The following RIT2 variants were observed in gnomAD, a reference collection of about 807,000 sequenced individuals.
The protein encoded by RIT2 is GTP-binding protein Rit2.
A neutral mutation model predicts 23.7 loss-of-function variants in RIT2; 24 were observed. The ratio of observed to expected loss-of-function variants is 1.01; its 90% CI spans 0.73 to 1.43. RIT2 has a LOEUF of 1.43. Ranked by LOEUF, RIT2 falls within the 40% of genes most tolerant of loss-of-function variation. RIT2 has a pLI of 0.00. For missense variants in RIT2, 236 were observed against 266.9 expected (o/e 0.88, Z 0.81); for synonymous variants, 107 against 91.1 (o/e 1.17, Z -0.99).
At chr18:43,093,835 A>G (rs1913482610) in intron 1 of RIT2, among the ~76,000 whole-genome samples, 1 of 152,032 alleles carries the variant, frequency 6.6e-6, no homozygotes. Flanking sequence ...AAAATTCACC[A>G]TCACCACACT....
chr18:42,815,178 G>A (rs1024752162), intron 4 of RIT2, among the ~76,000 whole-genome samples: 3 of 152,052 alleles, frequency 2.0e-5, no homozygotes, highest in Admixed American at 6.6e-5. Flanking sequence ...AGAAATCCCC[G>A]ATTTACCTGA....
At chr18:42,826,370 A>G (rs1299139031) in intron 4 of RIT2, among the ~76,000 whole-genome samples, 1 of 152,106 alleles carries the variant, frequency 6.6e-6, no homozygotes. Context: ...ATAATGTTTA[A>G]TATTGTAATT....
At chr18:43,088,713 T>G (rs535399963) in intron 1 of RIT2, among the ~76,000 whole-genome samples, 2 of 152,144 alleles carry the variant, frequency 1.3e-5, no homozygotes, top group African/African-American at 2.4e-5. Context: ...ATCATTTTCA[T>G]GGCCTCCATT....
intron 3 of RIT2, among the ~76,000 whole-genome samples, chr18:42,929,682 A>G (rs1018629102): frequency 2.4e-4 from 37 of 152,192 alleles, no homozygotes; most frequent in African/African-American, 8.9e-4. Flanking sequence ...AATAATTAAG[A>G]ATTTCAAGAC....
intron 4 of RIT2, among the ~76,000 whole-genome samples, chr18:42,759,448 T>A (rs751223224): frequency 2.0e-5 from 3 of 152,176 alleles, no homozygotes; most frequent in Non-Finnish European, 4.4e-5. Context: ...GGAATTGGCA[T>A]TAAAACCCAG....
chr18:42,866,640 G>T (rs1176513531), intron 4 of RIT2, among the ~76,000 whole-genome samples: 1 of 136,134 alleles, frequency 7.3e-6, no homozygotes, highest in African/African-American at 2.7e-5. Context: ...GTGCTGTCAG[G>T]AAAAAAAAAA....
intron 2 of RIT2, among the ~76,000 whole-genome samples, chr18:43,016,496 C>A (rs1349335010): frequency 1.3e-5 from 2 of 151,756 alleles, no homozygotes; most frequent in Non-Finnish European, 2.9e-5. Flanking sequence ...AATTCAGTCC[C>A]TTTTCATCAT....
intron 1 of RIT2, among the ~76,000 whole-genome samples, chr18:43,089,414 A>C (rs184856318): frequency 1.3e-4 from 20 of 152,254 alleles, no homozygotes; most frequent in Middle Eastern, 3.4e-3. Flanking sequence ...ACACTGCTCA[A>C]AGAAATCAGA....
chr18:42,987,816 G>A (rs2144223079), intron 2 of RIT2, among the ~76,000 whole-genome samples: 1 of 152,272 alleles, frequency 6.6e-6, no homozygotes, highest in East Asian at 1.9e-4. Context: ...ATGGCAAAAG[G>A]TGAAGTGGAG....
intron 4 of RIT2, among the ~76,000 whole-genome samples, chr18:42,815,420 A>G (rs1267051503): frequency 6.6e-6 from 1 of 152,212 alleles, no homozygotes; most frequent in Non-Finnish European, 1.5e-5. Flanking sequence ...AACAAAGACA[A>G]AGGAAAAAGA....
chr18:42,804,100 T>C (rs1905611434), intron 4 of RIT2, among the ~76,000 whole-genome samples: 1 of 152,200 alleles, frequency 6.6e-6, no homozygotes, highest in Non-Finnish European at 1.5e-5. Flanking sequence ...TGGTGGATTA[T>C]ACATCACAAC....
intron 1 of RIT2, among the ~76,000 whole-genome samples, chr18:43,036,188 T>C (rs1598756077): frequency 6.6e-6 from 1 of 152,186 alleles, no homozygotes; most frequent in African/African-American, 2.4e-5. Flanking sequence ...TTGAGAAACA[T>C]ACAGCCAACA....
At chr18:42,925,580 G>A (rs1197784516) in intron 3 of RIT2, among the ~76,000 whole-genome samples, 1 of 151,722 alleles carries the variant, frequency 6.6e-6, no homozygotes, top group Non-Finnish European at 1.5e-5. Context: ...CAGTACTAAA[G>A]TTTTTGATTT....
At chr18:42,791,006 C>G (rs1405544729) in intron 4 of RIT2, among the ~76,000 whole-genome samples, 1 of 152,072 alleles carries the variant, frequency 6.6e-6, no homozygotes, top group African/African-American at 2.4e-5. Flanking sequence ...GAGTGATGCT[C>G]CACCCTTTCT....
chr18:42,827,065 C>A (rs1218458588), intron 4 of RIT2, among the ~76,000 whole-genome samples: 2 of 151,926 alleles, frequency 1.3e-5, no homozygotes, highest in Non-Finnish European at 2.9e-5. Context: ...AACAAGCAAA[C>A]CAAAAACAAG....
At chr18:42,770,193 G>C (rs1026717180) in intron 4 of RIT2, among the ~76,000 whole-genome samples, 1 of 152,100 alleles carries the variant, frequency 6.6e-6, no homozygotes, top group African/African-American at 2.4e-5. Context: ...GGGCCACCTG[G>C]GCACTGAATG....
At chr18:42,906,763 C>T (rs114475351) in intron 4 of RIT2, among the ~76,000 whole-genome samples, 2,270 of 152,280 alleles carry the variant, frequency 0.015, 50 homozygotes, top group African/African-American at 0.052. Context: ...TGCCCCATAT[C>T]TGTCTGATAA....
At chr18:42,942,086 T>C (rs999834066) in intron 3 of RIT2, among the ~76,000 whole-genome samples, 1 of 152,018 alleles carries the variant, frequency 6.6e-6, no homozygotes, top group Non-Finnish European at 1.5e-5. Context: ...TTATAGTTGT[T>C]ATCTTAATTG....
intron 4 of RIT2, among the ~76,000 whole-genome samples, chr18:42,885,399 C>G (rs1044337429): frequency 1.3e-5 from 2 of 152,096 alleles, no homozygotes; most frequent in African/African-American, 4.8e-5. Context: ...TCCTGGCTAA[C>G]GCGGTGAAAC....
Sources: allele counts gnomAD v4.1 joint callset (sites outside exome capture counted in the v4.1 genomes callset), GRCh38; gene constraint gnomAD v4.1.1; transcripts MANE v1.5; gene names NCBI Gene and HGNC (gene_info 2026-07-23, HGNC 2026-07-21).